The following LRRTM3 variants were observed in gnomAD, a reference collection of about 807,000 sequenced individuals.
LRRTM3 encodes leucine-rich repeat transmembrane neuronal protein 3.
LRRTM3 carries 24 observed loss-of-function variants against 44.7 expected under a neutral mutation model. The ratio of observed to expected loss-of-function variants is 0.54; its 90% CI spans 0.39 to 0.76. The LOEUF (loss-of-function observed/expected upper bound fraction) is 0.76, where lower values mean the gene tolerates loss of function less well. Ranked by LOEUF, LRRTM3 falls within the 30% of genes least tolerant of loss-of-function variation. The pLI is 0.00. For missense variants in LRRTM3, 587 were observed against 702.2 expected (o/e 0.84, Z 1.85); for synonymous variants, 277 against 278.7 (o/e 0.99, Z 0.06).
At chr10:67,087,106 G>A (rs1465644116) in intron 2 of LRRTM3, among the ~76,000 whole-genome samples, 2 of 152,146 alleles carry the variant, frequency 1.3e-5, no homozygotes, top group African/African-American at 4.8e-5. Flanking sequence ...ACTTTACCTG[G>A]CAATAGTACC....
chr10:67,083,048 C>T (rs1366033964), intron 2 of LRRTM3, among the ~76,000 whole-genome samples: 8 of 152,138 alleles, frequency 5.3e-5, no homozygotes, highest in Admixed American at 1.3e-4. Flanking sequence ...AGGTGTTCAC[C>T]TAAGGGTCAG....
intron 2 of LRRTM3, among the ~76,000 whole-genome samples, chr10:67,001,271 A>G (rs1229568518): frequency 6.6e-6 from 1 of 150,384 alleles, no homozygotes; most frequent in East Asian, 1.9e-4. Flanking sequence ...ACTGCACTCC[A>G]GCCTGACGAC....
At chr10:67,056,507 C>A (rs1855439906) in intron 2 of LRRTM3, among the ~76,000 whole-genome samples, 2 of 152,162 alleles carry the variant, frequency 1.3e-5, no homozygotes, top group South Asian at 4.1e-4. Flanking sequence ...AAGATCCACT[C>A]CTGATCTGTA....
chr10:66,928,007 G>A lies in LRRTM3; in HGVS notation c.1091G>A (p.Ser364Asn), dbSNP rs1847168609. 2 of 1,614,212 alleles carry A rather than the reference G, an allele frequency of 1.2e-6. No individual in the cohort carries two copies. Among genetic ancestry groups the A allele is most frequent in the Non-Finnish European group, 1.7e-6 (2 of 1,180,042 alleles). ...AAGAACTACAGCATCTGTGGCAAAA[G>A]TACTACAGAGAGGTTTGATCTGGCC... ...AVKNYSICGK[S>N]TTERFDLARA... is the part of the protein sequence containing the mutation. The change falls in exon 2 of 3, where the codon AGT (serine) becomes AAT (asparagine). Residue 364 changes from serine to asparagine, a missense_variant. Around this residue, in one of 3 missense-constraint regions of LRRTM3, gnomAD observed 315 missense variants for 335.6 expected, o/e 0.94. Coordinates refer to ENST00000361320, the MANE Select transcript of LRRTM3 (RefSeq NM_178011.5).
chr10:67,023,766 T>C (rs1853177830), intron 2 of LRRTM3, among the ~76,000 whole-genome samples: 1 of 152,190 alleles, frequency 6.6e-6, no homozygotes, highest in African/African-American at 2.4e-5. Flanking sequence ...GAAACATGAA[T>C]TGGATTTTAC....
chr10:67,039,802 CTTTGT>C, intron 2 of LRRTM3, among the ~76,000 whole-genome samples: 1 of 152,210 alleles, frequency 6.6e-6, no homozygotes, highest in Middle Eastern at 3.4e-3. Flanking sequence ...ATCAGCACTG[CTTTGT>C]TTAAAAGATA....
At chr10:67,052,341 TCTCTCTC>T (rs745457720) in intron 2 of LRRTM3, among the ~76,000 whole-genome samples, 8,231 of 151,648 alleles carry the variant, frequency 0.054, 327 homozygotes, top group South Asian at 0.19. Context: ...TCTCTCTCTC[TCTCTCTC>T]TCTCTCATTA....
At chr10:66,955,969 C>A (rs959065867) in intron 2 of LRRTM3, among the ~76,000 whole-genome samples, 3 of 152,078 alleles carry the variant, frequency 2.0e-5, no homozygotes, top group African/African-American at 7.2e-5. Flanking sequence ...TGGAGTAGTG[C>A]TCTGCCAGAA....
intron 2 of LRRTM3, among the ~76,000 whole-genome samples, chr10:66,948,534 G>A (rs1299725053): frequency 1.3e-5 from 2 of 152,090 alleles, no homozygotes; most frequent in Admixed American, 6.5e-5. Flanking sequence ...AGATCTACTT[G>A]GGAAGATTTT....
At chr10:67,024,907 G>C (rs1395835726) in intron 2 of LRRTM3, among the ~76,000 whole-genome samples, 1 of 152,026 alleles carries the variant, frequency 6.6e-6, no homozygotes, top group Non-Finnish European at 1.5e-5. Context: ...AAGGCGGGCG[G>C]ATCACCTGAG....
chr10:66,967,128 A>G (rs1849467940), intron 2 of LRRTM3, among the ~76,000 whole-genome samples: 1 of 152,048 alleles, frequency 6.6e-6, no homozygotes, highest in East Asian at 1.9e-4. Context: ...TAATGAAACA[A>G]TGGTTATAGC....
chr10:67,015,787 G>A (rs1291770881), intron 2 of LRRTM3, among the ~76,000 whole-genome samples: 3 of 151,674 alleles, frequency 2.0e-5, no homozygotes, highest in Admixed American at 2.0e-4. Context: ...CGTACATGTT[G>A]TCTCTCTTTT....
intron 2 of LRRTM3, among the ~76,000 whole-genome samples, chr10:66,992,115 T>C (rs972494667): frequency 8.5e-5 from 13 of 152,336 alleles, no homozygotes; most frequent in Admixed American, 2.0e-4. Flanking sequence ...TCCAAAGAAC[T>C]AATATCAATT....
intron 2 of LRRTM3, among the ~76,000 whole-genome samples, chr10:67,089,105 T>C (rs1394628259): frequency 1.3e-5 from 2 of 151,964 alleles, no homozygotes; most frequent in Non-Finnish European, 2.9e-5. Flanking sequence ...GGGACTTACA[T>C]AAACCTAAGG....
At chr10:67,077,497 C>G (rs755468408) in intron 2 of LRRTM3, among the ~76,000 whole-genome samples, 1 of 152,088 alleles carries the variant, frequency 6.6e-6, no homozygotes, top group South Asian at 2.1e-4. Context: ...CCCTCTGTCC[C>G]CTGCCTGCCT....
intron 2 of LRRTM3, among the ~76,000 whole-genome samples, chr10:67,043,629 T>C (rs1854546951): frequency 6.6e-6 from 1 of 152,192 alleles, no homozygotes; most frequent in East Asian, 1.9e-4. Context: ...ACAATGATTT[T>C]TTTTTAAAGA....
chr10:66,963,931 C>A (rs745533939), intron 2 of LRRTM3, among the ~76,000 whole-genome samples: 50 of 151,644 alleles, frequency 3.3e-4, no homozygotes, highest in Non-Finnish European at 5.6e-4. Flanking sequence ...AAACCTCCAA[C>A]TCCCTGGTTC....
intron 2 of LRRTM3, among the ~76,000 whole-genome samples, chr10:67,023,793 G>A (rs1032433109): frequency 6.6e-6 from 1 of 152,132 alleles, no homozygotes; most frequent in Non-Finnish European, 1.5e-5. Context: ...TAATATACAA[G>A]AAAGCATGTA....
intron 2 of LRRTM3, among the ~76,000 whole-genome samples, chr10:66,954,554 C>T (rs576282368): frequency 6.6e-6 from 1 of 152,200 alleles, no homozygotes; most frequent in Admixed American, 6.5e-5. Context: ...GGTCATGCCC[C>T]ATGGATGAAT....
Sources: allele counts gnomAD v4.1 joint callset (sites outside exome capture counted in the v4.1 genomes callset), GRCh38; gene constraint gnomAD v4.1.1; regional missense constraint gnomAD v4.1.1; transcripts MANE v1.5; gene names NCBI Gene and HGNC (gene_info 2026-07-23, HGNC 2026-07-21).